The following ZDHHC21 variants were observed in gnomAD, a reference collection of about 807,000 sequenced individuals.
The protein encoded by ZDHHC21 is palmitoyltransferase ZDHHC21.
Under a neutral mutation model 34.6 loss-of-function variants are expected in ZDHHC21, and 15 were observed. The ratio of observed to expected loss-of-function variants is 0.43; its 90% CI spans 0.29 to 0.67. The LOEUF is 0.67. Ranked by LOEUF, ZDHHC21 falls within the 30% of genes least tolerant of loss-of-function variation. The pLI is 0.14. For synonymous variants in ZDHHC21, 142 were observed against 101.8 expected (o/e 1.40, Z -2.38); for missense variants, 344 against 327.7 (o/e 1.05, Z -0.38).
the ZDHHC21 span, chr9:14,594,011 G>C: frequency 6.6e-6 from 1 of 152,216 alleles, no homozygotes; most frequent in African/African-American, 2.4e-5. Context: ...CCTCAGCACA[G>C]TAATCGAGGA....
rs1370086606 is a variant in ZDHHC21 at position 14,615,874 on chromosome 9, G to T, written c.*3092C>A. On this transcript the variant is annotated 3_prime_UTR_variant, in exon 10 of 10. Transcript: ENST00000380916. ...TAAAATCAAATAGAATGTTTATAAA[G>T]AAATACTTCAGTCCAACATACATAT... 1 of 151,556 alleles carries T rather than the reference G, an allele frequency of 6.6e-6. No homozygotes were observed. The highest frequency in any genetic ancestry group is 1.9e-4 in the East Asian group (1 of 5,180). 9.4% of individuals were successfully genotyped at this position (151,556 alleles called of 1,614,324 possible). A position where few individuals can be genotyped will look rare whatever the true frequency, so the allele number is the denominator to read the frequency against.
chr9:14,628,667 G>A (rs903755035), intron 8 of ZDHHC21, among the ~76,000 whole-genome samples: 7 of 152,020 alleles, frequency 4.6e-5, no homozygotes, highest in South Asian at 4.2e-4. Context: ...TGACAAATTC[G>A]TCACTTAACA....
the ZDHHC21 span, among the ~76,000 whole-genome samples, chr9:14,596,670 T>C: frequency 1.3e-5 from 2 of 152,122 alleles, no homozygotes; most frequent in South Asian, 4.1e-4. Context: ...GCTTCATTCC[T>C]GGAAATTGCA....
chr9:14,651,235 A>G (rs977159865), intron 7 of ZDHHC21, among the ~76,000 whole-genome samples: 13 of 151,950 alleles, frequency 8.6e-5, no homozygotes, highest in Non-Finnish European at 1.8e-4. Context: ...ATATTAATCT[A>G]CCAATCAGGA....
At chr9:14,595,625 C>A in the ZDHHC21 span, among the ~76,000 whole-genome samples, 2 of 152,032 alleles carry the variant, frequency 1.3e-5, no homozygotes, top group South Asian at 2.1e-4. Flanking sequence ...ATGTAAGTAA[C>A]AAACAGGAAG....
chr9:14,692,614 G>A (rs1374013942), intron 1 of ZDHHC21, among the ~76,000 whole-genome samples: 2 of 142,710 alleles, frequency 1.4e-5, no homozygotes, highest in Non-Finnish European at 3.1e-5. Context: ...AATGGACTCT[G>A]CAGTTACAAT....
intron 7 of ZDHHC21, among the ~76,000 whole-genome samples, chr9:14,650,057 T>A (rs995975459): frequency 6.6e-6 from 1 of 152,050 alleles, no homozygotes; most frequent in Admixed American, 6.6e-5. Context: ...TAACTGACTA[T>A]GGAAACATGT....
At chr9:14,673,181 A>C (rs932401379) in intron 4 of ZDHHC21, among the ~76,000 whole-genome samples, 1 of 152,026 alleles carries the variant, frequency 6.6e-6, no homozygotes, top group Non-Finnish European at 1.5e-5. Context: ...GTTCTTATAA[A>C]TCAGATCCCT....
At chr9:14,654,638 G>T (rs746476733) in intron 7 of ZDHHC21, among the ~76,000 whole-genome samples, 1 of 151,938 alleles carries the variant, frequency 6.6e-6, no homozygotes, top group Admixed American at 6.6e-5. Flanking sequence ...TGACAAAATA[G>T]ATGATTTCAC....
Position 14,616,288 on chromosome 9 carries a change from A to C in ZDHHC21, c.*2678T>G, listed in dbSNP as rs1824141502. The C allele has an allele frequency of 6.6e-6, 1 of 151,812 alleles. No individual in the cohort carries two copies. Among genetic ancestry groups the C allele is most frequent in the Non-Finnish European group, 1.5e-5 (1 of 67,778 alleles). 9.4% of individuals were successfully genotyped at this position (151,812 alleles called of 1,614,324 possible). On this transcript the variant is annotated 3_prime_UTR_variant, in exon 10 of 10. Coordinates refer to ENST00000380916, the MANE Select transcript of ZDHHC21 (RefSeq NM_178566.6). ...TCTGCCAAAATAAGGTTTAAAATAA[A>C]ATACATAAAATGGCTTAGTTTATCC... is the stretch of plus-strand genomic sequence containing the variant.
At chr9:14,679,043 G>A (rs1836910700) in intron 3 of ZDHHC21, among the ~76,000 whole-genome samples, 1 of 152,060 alleles carries the variant, frequency 6.6e-6, no homozygotes, top group South Asian at 2.1e-4. Flanking sequence ...GTGCTAACAA[G>A]CATGTTTCTA....
In ZDHHC21 at chr9:14,611,114, A is replaced by G. The variant is rs1364486592; in HGVS notation, c.*7852T>C. 6.6e-6 allele frequency: 1 copy of G among 152,102 alleles called. No individual in the cohort carries two copies. The highest frequency in any genetic ancestry group is 1.5e-5 in the Non-Finnish European group (1 of 67,964). 9.4% of individuals were successfully genotyped at this position (152,102 alleles called of 1,614,324 possible). A position where few individuals can be genotyped will look rare whatever the true frequency, so the allele number is the denominator to read the frequency against. On this transcript the variant is annotated 3_prime_UTR_variant, in exon 10 of 10. Coordinates refer to ENST00000380916, the MANE Select transcript of ZDHHC21 (RefSeq NM_178566.6). Reference sequence around the variant, plus strand: ...TTATTTAAAAATAAGATTTCAAAAAATACAGTACTTAATACATTTTGAGAA... The same window carrying G: ...TTATTTAAAAATAAGATTTCAAAAAGTACAGTACTTAATACATTTTGAGAA...
At chr9:14,679,881 T>C (rs1410398236) in intron 3 of ZDHHC21, among the ~76,000 whole-genome samples, 152 bp downstream of exon 3, 1 of 152,114 alleles carries the variant, frequency 6.6e-6, no homozygotes, top group Non-Finnish European at 1.5e-5. Context: ...GAAAACAGGT[T>C]TGGTTAAAAT....
In ZDHHC21 at chr9:14,619,647, A is replaced by C. The variant is rs759816930; in HGVS notation, c.657T>G (p.Cys219Trp). The change falls in exon 9 of 10, where the codon TGT becomes TGG. Residue 219 changes from cysteine to tryptophan, a missense_variant. Coordinates refer to ENST00000380916, the MANE Select transcript of ZDHHC21 (RefSeq NM_178566.6). ...TTSIEKMSNC[C>W]EDISRPRKPW... ...TTCAGTTTTATACTTACATATCTTC[A>C]CAACAGTTTGACATCTTTTCAATAG... The C allele has an allele frequency of 7.1e-7, 1 of 1,415,962 alleles. No individual in the cohort carries two copies. Among genetic ancestry groups the C allele is most frequent in the South Asian group, 1.2e-5 (1 of 83,388 alleles). The allele number at this position is 1,415,962 out of a possible 1,614,324, so 87.7% of individuals were successfully genotyped here.
At chr9:14,645,984 G>A (rs1487962076) in intron 7 of ZDHHC21, among the ~76,000 whole-genome samples, 1 of 152,044 alleles carries the variant, frequency 6.6e-6, no homozygotes, top group East Asian at 1.9e-4. Flanking sequence ...AACTATTTTG[G>A]AAAACTGTTT....
intron 8 of ZDHHC21, among the ~76,000 whole-genome samples, chr9:14,621,188 A>T (rs1048446157): frequency 6.6e-6 from 1 of 152,094 alleles, no homozygotes; most frequent in Non-Finnish European, 1.5e-5. Flanking sequence ...GAGAAAGCTG[A>T]AATAGAATAG....
chr9:14,674,160 C>T (rs200140489), intron 4 of ZDHHC21, 27 bp downstream of exon 4: 2 of 1,437,428 alleles, frequency 1.4e-6, no homozygotes, highest in South Asian at 1.6e-5. Flanking sequence ...AATAATTATA[C>T]AAGAAAATAA....
At chr9:14,632,417 C>T (rs1015967793) in intron 8 of ZDHHC21, among the ~76,000 whole-genome samples, 4 of 151,630 alleles carry the variant, frequency 2.6e-5, no homozygotes, top group Non-Finnish European at 5.9e-5. Flanking sequence ...AAAGATGGAC[C>T]CCTACTTCAC....
At chr9:14,659,393 C>T (rs947544838) in intron 6 of ZDHHC21, among the ~76,000 whole-genome samples, 1 of 152,202 alleles carries the variant, frequency 6.6e-6, no homozygotes, top group Non-Finnish European at 1.5e-5. Context: ...AAATCTACCC[C>T]TGGTTGCTGA....
Sources: allele counts gnomAD v4.1 joint callset (sites outside exome capture counted in the v4.1 genomes callset), GRCh38; gene constraint gnomAD v4.1.1; transcripts MANE v1.5; gene names NCBI Gene and HGNC (gene_info 2026-07-23, HGNC 2026-07-21).